Variants in CELF1 observed in about 807,000 individuals in gnomAD.
The protein encoded by CELF1 is CUGBP Elav-like family member 1.
CELF1 carries 10 observed loss-of-function variants against 61.8 expected under a neutral mutation model. The observed-to-expected ratio is 0.16, with a 90% CI of 0.10 to 0.27. The LOEUF is 0.27. Ranked by LOEUF, CELF1 falls within the 10% of genes least tolerant of loss-of-function variation. The probability of loss-of-function intolerance (pLI) is 1.00; values close to 1 mark genes in which losing one functional copy is unlikely to be tolerated. For missense variants in CELF1, 380 were observed against 639.1 expected (o/e 0.59, Z 4.37); for synonymous variants, 236 against 225.1 (o/e 1.05, Z -0.43).
chr11:47,475,942 C>T (rs2079875396), intron 12 of CELF1, among the ~76,000 whole-genome samples: 1 of 152,008 alleles, frequency 6.6e-6, no homozygotes, highest in Admixed American at 6.6e-5. Flanking sequence ...TAAGTACATT[C>T]TATGTGTCAT....
intron 12 of CELF1, among the ~76,000 whole-genome samples, chr11:47,476,285 C>T (rs2153393383): frequency 6.6e-6 from 1 of 152,274 alleles, no homozygotes; most frequent in Middle Eastern, 3.4e-3. Context: ...AGCCACTGTA[C>T]CTGGCCTCAT....
At chr11:47,550,774 T>G (rs1315025260) in intron 1 of CELF1, among the ~76,000 whole-genome samples, 1 of 152,098 alleles carries the variant, frequency 6.6e-6, no homozygotes, top group African/African-American at 2.4e-5. Flanking sequence ...GGCTAAAAAC[T>G]TCACTGTCTG....
At chr11:47,557,225 TG>T, upstream of CELF1, among the ~76,000 whole-genome samples, 1 of 147,408 alleles carries the variant, frequency 6.8e-6, no homozygotes, top group Non-Finnish European at 1.5e-5. Context: ...TGTTTTGTTT[TG>T]TTTTTTTTTT....
In CELF1 at chr11:47,490,159, G is replaced by A. The variant is rs1046984243; in HGVS notation, c.72-1135C>T. ...TCACCATGTTGGCCAGGCTAGTCTC[G>A]AACTGACCTCAGGTGATCCACCCGC... On this transcript the variant is annotated intron_variant, in intron 3 of 14. Coordinates refer to ENST00000687097, the MANE Select transcript of CELF1 (RefSeq NM_001376376.1). Among the ~76,000 whole-genome samples, 7 of 151,270 alleles carry A rather than the reference G, an allele frequency of 4.6e-5. No individual in the cohort carries two copies. The East Asian group carries it at 9.7e-4, about 21-fold the overall frequency.
At chr11:47,554,784 C>A (rs868420890), upstream of CELF1, among the ~76,000 whole-genome samples, 1 of 151,882 alleles carries the variant, frequency 6.6e-6, no homozygotes, top group Non-Finnish European at 1.5e-5. Flanking sequence ...GCCTCAGCCT[C>A]CCGAGTAGCT....
At chr11:47,495,670 T>C (rs372724500) in intron 3 of CELF1, among the ~76,000 whole-genome samples, 3 of 152,270 alleles carry the variant, frequency 2.0e-5, no homozygotes, top group South Asian at 2.1e-4. Context: ...TGAGCAGTTA[T>C]ATATCCTGGA....
chr11:47,526,901 A>C (rs941855068), intron 1 of CELF1, among the ~76,000 whole-genome samples: 7 of 152,074 alleles, frequency 4.6e-5, no homozygotes, highest in African/African-American at 1.7e-4. Context: ...AAATACAAAA[A>C]TTAGCTGGGC....
At chr11:47,554,187 G>C (rs141620765), upstream of CELF1, among the ~76,000 whole-genome samples, 37 of 151,992 alleles carry the variant, frequency 2.4e-4, no homozygotes, top group African/African-American at 7.0e-4. Context: ...TTTCGCCTTT[G>C]GGGGGGAAAA....
intron 3 of CELF1, among the ~76,000 whole-genome samples, chr11:47,495,547 T>C (rs2092924566): frequency 6.6e-6 from 1 of 152,154 alleles, no homozygotes; most frequent in Non-Finnish European, 1.5e-5. Flanking sequence ...GTAAACTTTA[T>C]AGTATGTGAA....
chr11:47,477,955 G>A (rs2081006662), intron 10 of CELF1, among the ~76,000 whole-genome samples: 1 of 152,032 alleles, frequency 6.6e-6, no homozygotes. Flanking sequence ...GAGGAGAGAG[G>A]AAAAATCACT....
chr11:47,519,555 T>C (rs1269708291), intron 1 of CELF1, among the ~76,000 whole-genome samples: 1 of 152,020 alleles, frequency 6.6e-6, no homozygotes, highest in Non-Finnish European at 1.5e-5. Flanking sequence ...CTTTCATCAC[T>C]CTGCAATTGT....
In CELF1 at chr11:47,506,065, C is replaced by T. The variant is rs1767212298; in HGVS notation, c.-153-5133G>A. ...GTCCAATCTTTAGGCTTCCTTGTGC[C>T]ACACTGGAAGAGGAATTGTCTTAGG... On this transcript the variant is annotated intron_variant, in intron 1 of 14. Transcript: ENST00000687097. 1.3e-5 allele frequency among the ~76,000 whole-genome samples: 2 copies of T among 150,956 alleles called. 1 individual carries two copies. The highest frequency in any genetic ancestry group is 1.3e-4 in the Admixed American group (2 of 15,018).
At chr11:47,478,768 A>G (rs2081372082) in intron 10 of CELF1, 109 bp downstream of exon 10, 6 of 867,830 alleles carry the variant, frequency 6.9e-6, no homozygotes, top group East Asian at 2.8e-5. Flanking sequence ...GGTTTACATA[A>G]TAAGCAAAAA....
chr11:47,526,790 C>G (rs2096258814), intron 1 of CELF1, among the ~76,000 whole-genome samples: 1 of 152,172 alleles, frequency 6.6e-6, no homozygotes, highest in Non-Finnish European at 1.5e-5. Flanking sequence ...GAGTTCCAGG[C>G]CGGGCAGTGG....
At chr11:47,530,417 C>T (rs748662538) in intron 1 of CELF1, among the ~76,000 whole-genome samples, 45 of 152,206 alleles carry the variant, frequency 3.0e-4, no homozygotes, top group Non-Finnish European at 5.3e-4. Flanking sequence ...AAGATTGCTA[C>T]TGAGGACATA....
chr11:47,563,965 A>G (rs948872998), intron 2 of CELF1, among the ~76,000 whole-genome samples: 2 of 151,646 alleles, frequency 1.3e-5, no homozygotes, highest in Non-Finnish European at 2.9e-5. Flanking sequence ...AGATCACGCC[A>G]TTGCACTCCA....
chr11:47,533,071 C>T lies in CELF1; in HGVS notation c.-154+19921G>A, dbSNP rs578230922. Among the ~76,000 whole-genome samples the T allele has an allele frequency of 6.1e-5, 9 of 147,284 alleles. No individual in the cohort carries two copies. In the East Asian group the frequency reaches 1.4e-3, roughly 23 times the overall value. ...GATTCCTGGGGGTGGATCCAGAAGG[C>T]TTTTTTTTTTCTATCACAGTATTTT... On this transcript the variant is annotated intron_variant, in intron 1 of 14. Coordinates refer to ENST00000687097, the MANE Select transcript of CELF1 (RefSeq NM_001376376.1).
At chr11:47,545,879 G>A (rs886312078) in intron 1 of CELF1, among the ~76,000 whole-genome samples, 2 of 122,128 alleles carry the variant, frequency 1.6e-5, no homozygotes, top group Admixed American at 1.9e-4. Context: ...GCGTGTGTGT[G>A]TGTGTGTGTG....
chr11:47,476,230 T>C (rs1024672649), intron 12 of CELF1, among the ~76,000 whole-genome samples: 9 of 152,114 alleles, frequency 5.9e-5, no homozygotes, highest in Non-Finnish European at 7.4e-5. Flanking sequence ...TGACCTAGGG[T>C]GATCCCCTGC....
Sources: allele counts gnomAD v4.1 joint callset (sites outside exome capture counted in the v4.1 genomes callset), GRCh38; gene constraint gnomAD v4.1.1; transcripts MANE v1.5; gene names NCBI Gene and HGNC (gene_info 2026-07-23, HGNC 2026-07-21).